Variants in RNF10 observed in about 807,000 individuals in gnomAD.
The protein encoded by RNF10 is E3 ubiquitin-protein ligase RNF10.
A neutral mutation model predicts 91.4 loss-of-function variants in RNF10; 38 were observed. The observed-to-expected ratio is 0.42, with a 90% CI of 0.32 to 0.54. The LOEUF (loss-of-function observed/expected upper bound fraction) is 0.54. Ranked by LOEUF, RNF10 falls within the 20% of genes least tolerant of loss-of-function variation. The pLI is 0.16. For missense variants in RNF10, 945 were observed against 1,012.0 expected, an observed-to-expected ratio of 0.93 and a Z score of 0.90; for synonymous variants, 364 against 366.3, an observed-to-expected ratio of 0.99 and a Z score of 0.07.
intron 13 of RNF10, among the ~76,000 whole-genome samples, chr12:120,570,693 T>C (rs1266608816): frequency 2.6e-5 from 4 of 152,112 alleles, no homozygotes; most frequent in South Asian, 2.1e-4. Context: ...CTAGGGAGTA[T>C]TGGGGAAAAG....
chr12:120,549,110 A>T (rs1405581764), intron 2 of RNF10, among the ~76,000 whole-genome samples: 2 of 152,158 alleles, frequency 1.3e-5, no homozygotes, highest in Admixed American at 1.3e-4. Flanking sequence ...GAAGTGGAGC[A>T]GTTGTCTTAG....
chr12:120,552,489 TTCTC>T lies in RNF10; in HGVS notation c.355-6_355-3del. On this transcript the variant is annotated splice_polypyrimidine_tract_variant and splice_region_variant and intron_variant, in intron 2 of 16. Transcript: ENST00000325954. ...AATCTGAAATACTGATTCATTCTCA[TTCTC>T]TCTAGGTAGCAGAGGCTCAACGGGC... The T allele has an allele frequency of 6.2e-7, 1 of 1,610,864 alleles. No homozygotes were observed. The highest frequency in any genetic ancestry group is 8.5e-7 in the Non-Finnish European group (1 of 1,177,422).
chr12:120,541,751 A>C (rs568102875), intron 1 of RNF10, among the ~76,000 whole-genome samples: 54 of 148,350 alleles, frequency 3.6e-4, no homozygotes, highest in African/African-American at 1.2e-3. Context: ...TTTTAGAGAC[A>C]AGCTCTCGCT....
At chr12:120,537,256 T>A (rs970148025) in intron 1 of RNF10, among the ~76,000 whole-genome samples, 1 of 151,610 alleles carries the variant, frequency 6.6e-6, no homozygotes. Context: ...GAGGTTGCAG[T>A]GAGCCACGAT....
In RNF10 at chr12:120,564,056, T is replaced by TTCAATAGGGAGATCTGC; in HGVS notation, c.1665+114_1665+115insCAATAGGGAGATCTGCT. ...CCTTCAAGGCCTTTAGTTTTTGTAT[T>TTCAATAGGGAGATCTGC]TTTAGTCTTTCTGTCAGTGATGGTG... On this transcript the variant is annotated intron_variant, in intron 10 of 16. Transcript: ENST00000325954. 2.5e-6 allele frequency: 3 copies of TTCAATAGGGAGATCTGC among 1,211,092 alleles called. No individual in the cohort carries two copies. The East Asian group carries it at 7.1e-5, about 29-fold the overall frequency. The allele number at this position is 1,211,092 out of a possible 1,614,324, so 75.0% of individuals were successfully genotyped here. A position where few individuals can be genotyped will look rare whatever the true frequency, so the allele number is the denominator to read the frequency against.
At chr12:120,553,401 CTTTTTTTTTT>C (rs1243050601) in intron 3 of RNF10, among the ~76,000 whole-genome samples, 1 of 95,060 alleles carries the variant, frequency 1.1e-5, no homozygotes, top group African/African-American at 4.1e-5. Context: ...AAGAGGAATT[CTTTTTTTTTT>C]TTTTTTTTTG....
chr12:120,536,150 G>C (rs1304159405), intron 1 of RNF10, among the ~76,000 whole-genome samples: 2 of 152,212 alleles, frequency 1.3e-5, no homozygotes, highest in Middle Eastern at 3.4e-3. Context: ...GACCGGGCGC[G>C]GTGGCTCATG....
rs369232522 is a variant in RNF10, at chr12:120,550,861, G to C, written c.355-1638G>C. Among the ~76,000 whole-genome samples, 16 of 152,260 alleles carry C rather than the reference G, an allele frequency of 1.1e-4. No individual in the cohort carries two copies. The East Asian group carries it at 2.9e-3, about 28-fold the overall frequency. ...TCCGCCCGCCTCAGCCTCCCAAAGT[G>C]CTGGGATTACAGGCATGAGCCACCA... On this transcript the variant is annotated intron_variant, in intron 2 of 16. Transcript: ENST00000325954.
chr12:120,543,885 A>T (rs1871919220), intron 1 of RNF10, among the ~76,000 whole-genome samples: 1 of 152,090 alleles, frequency 6.6e-6, no homozygotes, highest in East Asian at 1.9e-4. Context: ...TGCTAAGCTG[A>T]GGTTGAGGCT....
chr12:120,574,428 C>T (rs1227432276), intron 14 of RNF10: 1 of 455,752 alleles, frequency 2.2e-6, no homozygotes, highest in Non-Finnish European at 4.4e-6. Context: ...GAAAATTCCT[C>T]AGGGGCATGA....
At chr12:120,551,873 A>G (rs560694811) in intron 2 of RNF10, among the ~76,000 whole-genome samples, 1 of 152,228 alleles carries the variant, frequency 6.6e-6, no homozygotes, top group East Asian at 1.9e-4. Flanking sequence ...GTAATTTATG[A>G]AAAAGAGTGG....
At chr12:120,552,052 C>G (rs1326979011) in intron 2 of RNF10, among the ~76,000 whole-genome samples, 1 of 147,692 alleles carries the variant, frequency 6.8e-6, no homozygotes, top group East Asian at 2.0e-4. Flanking sequence ...CCACTGCACT[C>G]CAGCCTGGGT....
intron 10 of RNF10, among the ~76,000 whole-genome samples, chr12:120,564,535 G>A (rs1322080701): frequency 6.6e-6 from 1 of 152,130 alleles, no homozygotes; most frequent in South Asian, 2.1e-4. Flanking sequence ...TGAGGCAGAA[G>A]GATCACCTGA....
At chr12:120,550,695 C>T (rs1197540547) in intron 2 of RNF10, among the ~76,000 whole-genome samples, 1 of 151,084 alleles carries the variant, frequency 6.6e-6, no homozygotes, top group African/African-American at 2.4e-5. Context: ...CTCCTGGATT[C>T]ACGGCATTCT....
At chr12:120,549,845 G>C (rs368535783) in intron 2 of RNF10, among the ~76,000 whole-genome samples, 25 of 152,260 alleles carry the variant, frequency 1.6e-4, no homozygotes, top group African/African-American at 5.5e-4. Context: ...GTGGGCAGTG[G>C]ACCACAGGAT....
chr12:120,562,883 C>A lies in RNF10; in HGVS notation c.1129-62C>A. 1.9e-6 allele frequency: 3 copies of A among 1,608,212 alleles called. No homozygotes were observed. The South Asian group carries it at 3.3e-5, about 18-fold the overall frequency. On this transcript the variant is annotated intron_variant, in intron 7 of 16. Coordinates refer to ENST00000325954, the MANE Select transcript of RNF10 (RefSeq NM_014868.5). ...TGAGAGGCCATTCTAAGCCCTTGCC[C>A]TTCAAGCTAAGTGTGTGTCTGGAAA...
At chr12:120,538,798 G>A (rs1871179954) in intron 1 of RNF10, among the ~76,000 whole-genome samples, 1 of 152,140 alleles carries the variant, frequency 6.6e-6, no homozygotes, top group African/African-American at 2.4e-5. Flanking sequence ...TTATTTTGAG[G>A]TTGGTGGTAT....
At position 120,566,842 on chromosome 12, in the gene RNF10, C is replaced by G. The variant is rs1210347374; in HGVS notation, c.1903C>G (p.Pro635Ala). 6 of 1,613,738 alleles carry G rather than the reference C, an allele frequency of 3.7e-6. No individual in the cohort carries two copies. Among genetic ancestry groups the G allele is most frequent in the Middle Eastern group, 1.7e-4 (1 of 6,058 alleles). The change falls in exon 13 of 17, where the codon CCC becomes GCC. Residue 635 changes from proline to alanine, a missense_variant. Coordinates refer to ENST00000325954, the MANE Select transcript of RNF10 (RefSeq NM_014868.5). ...CTTTGCAGACCCAGAAGTCCACATT[C>G]CCCTCGAGAATCTACAGCAGTTTCC... ...KQGKYPEVHI[P>A]LENLQQFPAF...
chr12:120,557,309 T>C lies in RNF10; in HGVS notation c.673T>C (p.Cys225Arg). The change falls in exon 5 of 17, where the codon TGC (cysteine) becomes CGC (arginine). Residue 225 changes from cysteine (C) to arginine (R), a missense_variant. By Grantham distance (180) the Cys-to-Arg change is radical. Coordinates refer to ENST00000325954, the MANE Select transcript of RNF10 (RefSeq NM_014868.5). ...CATTTGTAGCCATGAAGTGCCATCTTGCCCAATATGCCTCTATCCACCTAC... is the reference window on the plus strand; with the variant it reads ...CATTTGTAGCCATGAAGTGCCATCTCGCCCAATATGCCTCTATCCACCTAC... ...VRICSHEVPS[C>R]PICLYPPTAA... 6.2e-7 allele frequency: 1 copy of C among 1,614,164 alleles called. No individual in the cohort carries two copies. The highest frequency in any genetic ancestry group is 8.5e-7 in the Non-Finnish European group (1 of 1,180,030).
Sources: gnomAD v4.1 joint callset for allele counts (sites outside exome capture counted in the v4.1 genomes callset) on GRCh38, gnomAD v4.1.1 for gene constraint, MANE v1.5 for transcripts, NCBI Gene and HGNC (gene_info 2026-07-23, HGNC 2026-07-21) for gene names.